The following MYLK variants were observed in gnomAD, a reference collection of about 807,000 sequenced individuals.
MYLK encodes myosin light chain kinase, smooth muscle.
Under a neutral mutation model 203.4 loss-of-function variants are expected in MYLK, and 106 were observed. That is an observed-to-expected ratio of 0.52 (90% CI 0.45 to 0.61). MYLK has a LOEUF of 0.61. Ranked by LOEUF, MYLK falls within the 20% of genes least tolerant of loss-of-function variation. The probability of loss-of-function intolerance (pLI) is 0.00; values close to 1 mark genes in which losing one functional copy is unlikely to be tolerated. For synonymous variants in MYLK, 867 were observed against 959.5 expected (o/e 0.90, Z 1.78); for missense variants, 2,072 against 2,442.3 (o/e 0.85, Z 3.20).
At chr3:123,671,338 G>A (rs1268576403) in intron 20 of MYLK, among the ~76,000 whole-genome samples, 1 of 152,256 alleles carries the variant, frequency 6.6e-6, no homozygotes, top group Non-Finnish European at 1.5e-5. Context: ...TGGAAACCTT[G>A]AAGATGGGTC....
intron 27 of MYLK, among the ~76,000 whole-genome samples, chr3:123,641,740 T>C: frequency 6.7e-6 from 1 of 148,960 alleles, no homozygotes; most frequent in African/African-American, 2.5e-5. Context: ...CTGCCTGCCT[T>C]CCTCCCTCCG....
intron 11 of MYLK, 112 bp downstream of exon 11, chr3:123,732,784 G>T: frequency 9.6e-7 from 1 of 1,040,588 alleles, no homozygotes; most frequent in Non-Finnish European, 1.5e-6. Context: ...TTTCTGTCGG[G>T]CTGTGCACCA....
chr3:123,692,162 G>A lies in MYLK; in HGVS notation c.3565+573C>T, dbSNP rs72970806. On this transcript the variant is annotated intron_variant, in intron 19 of 33. Coordinates refer to ENST00000360304, the MANE Select transcript of MYLK (RefSeq NM_053025.4). ...ACAGAAACTCCGCTAAGACCTGGCA[G>A]GCCTGCTTTCTCCCCGATGTGTCCT... is the stretch of plus-strand genomic sequence containing the variant. 1,508 of 295,544 alleles carry A rather than the reference G, an allele frequency of 5.1e-3. 23 individuals are homozygous for A. The highest frequency in any genetic ancestry group is 0.03 in the African/African-American group (1,374 of 45,104). 18.3% of individuals were successfully genotyped at this position (295,544 alleles called of 1,614,324 possible).
chr3:123,826,702 T>C (rs1453790018), intron 3 of MYLK, among the ~76,000 whole-genome samples: 1 of 152,196 alleles, frequency 6.6e-6, no homozygotes, highest in Non-Finnish European at 1.5e-5. Context: ...TTTACATTTA[T>C]ATCCTCCAAC....
chr3:123,772,752 A>G (rs2063925137), intron 4 of MYLK, among the ~76,000 whole-genome samples: 1 of 152,096 alleles, frequency 6.6e-6, no homozygotes, highest in Non-Finnish European at 1.5e-5. Context: ...GTAGCCAAAC[A>G]TATAAAAATG....
chr3:123,718,050 C>T (rs945772541), intron 13 of MYLK, among the ~76,000 whole-genome samples: 4 of 151,664 alleles, frequency 2.6e-5, no homozygotes, highest in Non-Finnish European at 4.4e-5. Context: ...TTTGTGGAGA[C>T]GGTGTGTTGC....
In MYLK at chr3:123,726,143, A is replaced by G. The variant is rs548107858; in HGVS notation, c.1517-65T>C. On this transcript the variant is annotated intron_variant, in intron 11 of 33. Coordinates refer to ENST00000360304, the MANE Select transcript of MYLK (RefSeq NM_053025.4). ...GCCCACTCTGGTGATGCCTGCAGTC[A>G]CCCCAGCCTCCCAGGCACGCCTCAC... 9.4e-5 allele frequency: 150 copies of G among 1,602,718 alleles called. 1 individual carries two copies. The African/African-American group carries it at 1.9e-3, about 20-fold the overall frequency.
intron 12 of MYLK, among the ~76,000 whole-genome samples, chr3:123,725,173 G>C (rs894507216): frequency 6.6e-6 from 1 of 152,132 alleles, no homozygotes; most frequent in African/African-American, 2.4e-5. Context: ...AAGGTCACCC[G>C]ACCACTCAGT....
Position 123,665,919 on chromosome 3 carries a change from A to G in MYLK, c.3831+300T>C, listed in dbSNP as rs137876068. ...ACAGGCTCGACTTTCCTGACTCTGA[A>G]TAGGATTCTAGACTGTGCTATCAAA... On this transcript the variant is annotated intron_variant, in intron 22 of 33. Transcript: ENST00000360304. Among the ~76,000 whole-genome samples the G allele has an allele frequency of 2.7e-3, 414 of 152,320 alleles. 2 individuals carry two copies. Among genetic ancestry groups the G allele is most frequent in the African/African-American group, 9.6e-3 (397 of 41,566 alleles).
intron 20 of MYLK, among the ~76,000 whole-genome samples, chr3:123,679,496 C>T (rs1443849904): frequency 6.6e-6 from 1 of 152,060 alleles, no homozygotes; most frequent in Non-Finnish European, 1.5e-5. Context: ...GCCAGCCTGG[C>T]ACCGCTCTCA....
intron 4 of MYLK, among the ~76,000 whole-genome samples, chr3:123,758,605 T>G (rs903907215): frequency 6.6e-6 from 1 of 152,138 alleles, no homozygotes; most frequent in Non-Finnish European, 1.5e-5. Flanking sequence ...TCTGCAAGGC[T>G]GAGGACTTGT....
chr3:123,616,018 G>T (rs2057472177), intron 33 of MYLK, among the ~76,000 whole-genome samples: 1 of 152,114 alleles, frequency 6.6e-6, no homozygotes, highest in Non-Finnish European at 1.5e-5. Flanking sequence ...AAAACAAAAT[G>T]GGAACAAGGG....
chr3:123,782,928 A>G (rs534640977), intron 4 of MYLK, among the ~76,000 whole-genome samples: 4 of 152,302 alleles, frequency 2.6e-5, no homozygotes, highest in Non-Finnish European at 1.5e-5. Flanking sequence ...GAACACATTG[A>G]TGGATTTTCT....
intron 2 of MYLK, among the ~76,000 whole-genome samples, chr3:123,855,265 C>A (rs1347619819): frequency 6.6e-6 from 1 of 152,038 alleles, no homozygotes; most frequent in Non-Finnish European, 1.5e-5. Flanking sequence ...TACCTTTAAA[C>A]CGTTCTTTCA....
chr3:123,720,874 C>T (rs2062062995), intron 13 of MYLK, among the ~76,000 whole-genome samples: 3 of 152,200 alleles, frequency 2.0e-5, no homozygotes, highest in Middle Eastern at 3.2e-3. Context: ...CCACAGTGGC[C>T]AGTCTTCCCC....
intron 4 of MYLK, among the ~76,000 whole-genome samples, chr3:123,786,159 C>G (rs964659868): frequency 6.6e-6 from 1 of 151,698 alleles, no homozygotes; most frequent in South Asian, 2.1e-4. Flanking sequence ...AAAAATTAGC[C>G]GGGTGTGGTG....
At chr3:123,682,941 G>A (rs367669667) in intron 19 of MYLK, among the ~76,000 whole-genome samples, 5 of 152,154 alleles carry the variant, frequency 3.3e-5, no homozygotes, top group Admixed American at 2.6e-4. Context: ...TGCCTGCTGG[G>A]CGGACCTAAA....
rs72972367 is a variant in MYLK, at chr3:123,835,314, G to T, written c.-126-3644C>A. 8.6e-3 allele frequency among the ~76,000 whole-genome samples: 1,304 copies of T among 152,248 alleles called. 11 individuals are homozygous for T. The highest frequency in any genetic ancestry group is 0.028 in the African/African-American group (1,167 of 41,524). On this transcript the variant is annotated intron_variant, in intron 2 of 33. Coordinates refer to ENST00000360304, the MANE Select transcript of MYLK (RefSeq NM_053025.4). The stretch of plus-strand genomic sequence containing the variant: ...TCTAGAAAGCCTGAGGTTCAATATG[G>T]CAATCAGTCACAAGAGAGATTTTAG...
At chr3:123,685,472 A>G (rs2060417767) in intron 19 of MYLK, among the ~76,000 whole-genome samples, 1 of 152,140 alleles carries the variant, frequency 6.6e-6, no homozygotes, top group South Asian at 2.1e-4. Flanking sequence ...ATGTGCTTGT[A>G]GTCCCAGCTG....
Sources: allele counts gnomAD v4.1 joint callset (sites outside exome capture counted in the v4.1 genomes callset), GRCh38; gene constraint gnomAD v4.1.1; transcripts MANE v1.5; gene names NCBI Gene and HGNC (gene_info 2026-07-23, HGNC 2026-07-21).